Variants in PLEKHH2 observed in about 807,000 individuals in gnomAD.
PLEKHH2 encodes pleckstrin homology, MyTH4 and FERM domain containing H2.
PLEKHH2 carries 129 observed loss-of-function variants against 187.9 expected under a neutral mutation model. The ratio of observed to expected loss-of-function variants is 0.69; its 90% confidence interval spans 0.59 to 0.79. PLEKHH2 has a LOEUF of 0.79. PLEKHH2 is among the 30% of genes least tolerant of loss of function. The pLI, the probability that PLEKHH2 is intolerant of heterozygous loss-of-function variation, is 0.00. For missense variants in PLEKHH2, 2,076 were observed against 1,751.2 expected (o/e 1.19, Z -3.31); for synonymous variants, 686 against 605.6 (o/e 1.13, Z -1.95).
chr2:43,743,246 G>A (rs540842164), intron 22 of PLEKHH2, among the ~76,000 whole-genome samples: 4 of 152,190 alleles, frequency 2.6e-5, no homozygotes, highest in African/African-American at 9.6e-5. Flanking sequence ...TACTGGGTGT[G>A]TACAATTTTA....
At position 43,700,209 on chromosome 2, in the gene PLEKHH2, A is replaced by C; in HGVS notation, c.1251A>C (p.Pro417=). The C allele has an allele frequency of 6.2e-7, 1 of 1,614,184 alleles. No homozygotes were observed. Among genetic ancestry groups the C allele is most frequent in the Non-Finnish European group, 8.5e-7 (1 of 1,180,034 alleles). The change falls in exon 8 of 30, where the codon CCA becomes CCC. Residue 417 remains proline (P), a synonymous_variant. Coordinates refer to ENST00000282406, the MANE Select transcript of PLEKHH2 (RefSeq NM_172069.4). ...CTATTTTGACCCCAGCTTTAATGCC[A>C]AAGCATCCTAACTCACTCTCTGGAA... ...PSPILTPALM[P]KHPNSLSGKG...
intron 25 of PLEKHH2, 135 bp downstream of exon 25, chr2:43,753,895 G>GT: frequency 4.2e-6 from 3 of 707,076 alleles, no homozygotes; most frequent in Non-Finnish European, 6.4e-6. Flanking sequence ...AAAAATTACA[G>GT]GCACTATAAT....
chr2:43,731,560 A>G lies in PLEKHH2; in HGVS notation c.2901A>G (p.Leu967=). The G allele has an allele frequency of 6.2e-7, 1 of 1,603,990 alleles. No individual in the cohort carries two copies. The highest frequency in any genetic ancestry group is 1.1e-5 in the South Asian group (1 of 90,572). Residue 967 remains leucine (L), a synonymous_variant, in exon 19 of 30, where the codon CTA becomes CTG. Transcript: ENST00000282406. The part of the protein sequence containing the change: ...KEGIISPLTT[L]PSEALQTEAI... ...GAATCATTTCCCCTCTGACAACTCT[A>G]CCTTCCGAAGCCCTGCAGACAGAAG...
intron 15 of PLEKHH2, among the ~76,000 whole-genome samples, chr2:43,718,130 TA>T (rs1446169910): frequency 6.6e-6 from 1 of 152,204 alleles, no homozygotes; most frequent in African/African-American, 2.4e-5. Context: ...GGAAGCATGG[TA>T]AAAAATTATT....
At chr2:43,741,298 A>T (rs1671549739) in intron 21 of PLEKHH2, 2 of 266,886 alleles carry the variant, frequency 7.5e-6, no homozygotes, top group Non-Finnish European at 1.4e-5. Context: ...GTGCATTTGC[A>T]TTTCAAGTAT....
rs1178456983 is a variant in PLEKHH2, at chr2:43,644,679, A to G, written c.6A>G (p.Ala2=). 4 of 1,583,540 alleles carry G rather than the reference A, an allele frequency of 2.5e-6. No individual in the cohort carries two copies. Among genetic ancestry groups the G allele is most frequent in the East Asian group, 4.5e-5 (2 of 44,256 alleles). The change falls in exon 2 of 30, where the codon GCA becomes GCG. Residue 2 remains alanine, a synonymous_variant. Coordinates refer to ENST00000282406, the MANE Select transcript of PLEKHH2 (RefSeq NM_172069.4). ...TTATTTAATTTTTTTAGAATATGGCAGAGCTTTCTGAGCCAGAGGGACCAG... is the reference window on the plus strand; with the variant it reads ...TTATTTAATTTTTTTAGAATATGGCGGAGCTTTCTGAGCCAGAGGGACCAG... M[A]ELSEPEGPVD...
chr2:43,673,648 G>A (rs556795161), intron 2 of PLEKHH2, among the ~76,000 whole-genome samples: 1 of 152,250 alleles, frequency 6.6e-6, no homozygotes, highest in East Asian at 1.9e-4. Context: ...ACTATTCATT[G>A]AACACCTGTT....
chr2:43,763,755 A>G (rs1191224449), intron 28 of PLEKHH2, among the ~76,000 whole-genome samples: 2 of 152,126 alleles, frequency 1.3e-5, no homozygotes, highest in Non-Finnish European at 2.9e-5. Flanking sequence ...TGCATATGTG[A>G]CAAAGGGTTA....
chr2:43,660,671 C>T (rs1489966768), intron 2 of PLEKHH2, among the ~76,000 whole-genome samples: 1 of 126,336 alleles, frequency 7.9e-6, no homozygotes, highest in Non-Finnish European at 1.6e-5. Context: ...TTCCTGTGAC[C>T]ATGTGATCTC....
At chr2:43,723,290 A>G (rs1670571762) in intron 16 of PLEKHH2, among the ~76,000 whole-genome samples, 1 of 152,188 alleles carries the variant, frequency 6.6e-6, no homozygotes. Flanking sequence ...ACATTAAGAC[A>G]GATTACAGGA....
At chr2:43,640,958 T>TA (rs1173209547) in intron 1 of PLEKHH2, among the ~76,000 whole-genome samples, 1 of 148,854 alleles carries the variant, frequency 6.7e-6, no homozygotes, top group African/African-American at 2.5e-5. Flanking sequence ...TAATTTTTTT[T>TA]TTTTTTTTTT....
chr2:43,710,641 A>C (rs762830627), intron 14 of PLEKHH2, 66 bp downstream of exon 14: 135 of 1,510,484 alleles, frequency 8.9e-5, no homozygotes, highest in Non-Finnish European at 8.7e-5. Context: ...CAATTATCCA[A>C]CCTAATGGAA....
At chr2:43,719,730 G>T (rs546762809) in intron 15 of PLEKHH2, among the ~76,000 whole-genome samples, 1 of 152,198 alleles carries the variant, frequency 6.6e-6, no homozygotes, top group Non-Finnish European at 1.5e-5. Context: ...GAGCCACCGC[G>T]CACAGCCTTC....
At chr2:43,673,599 T>C (rs1224842503) in intron 2 of PLEKHH2, among the ~76,000 whole-genome samples, 1 of 152,166 alleles carries the variant, frequency 6.6e-6, no homozygotes, top group African/African-American at 2.4e-5. Flanking sequence ...ATAACACATA[T>C]ATATGGTAGA....
chr2:43,747,338 C>G (rs1369467546), intron 24 of PLEKHH2, among the ~76,000 whole-genome samples: 1 of 152,012 alleles, frequency 6.6e-6, no homozygotes, highest in Non-Finnish European at 1.5e-5. Flanking sequence ...ACTGTGAGGG[C>G]ACACAACAGT....
intron 24 of PLEKHH2, among the ~76,000 whole-genome samples, chr2:43,749,166 AAGAC>A (rs1426617947): frequency 6.6e-6 from 1 of 152,238 alleles, no homozygotes; most frequent in Non-Finnish European, 1.5e-5. Context: ...TTGGATATGA[AAGAC>A]AGGTAAAAAT....
chr2:43,746,167 G>C (rs1315382980), intron 24 of PLEKHH2, among the ~76,000 whole-genome samples: 2 of 152,110 alleles, frequency 1.3e-5, no homozygotes, highest in African/African-American at 4.8e-5. Flanking sequence ...ATGTCATAAA[G>C]AATTATATTT....
intron 19 of PLEKHH2, among the ~76,000 whole-genome samples, chr2:43,732,884 C>T (rs1010733369): frequency 1.3e-5 from 2 of 152,240 alleles, no homozygotes; most frequent in Admixed American, 6.5e-5. Flanking sequence ...GAGCATCAAA[C>T]AGCCATGTAG....
At chr2:43,713,235 A>C (rs1230473375) in intron 15 of PLEKHH2, among the ~76,000 whole-genome samples, 1 of 152,072 alleles carries the variant, frequency 6.6e-6, no homozygotes, top group Non-Finnish European at 1.5e-5. Flanking sequence ...TTTTTTTCCT[A>C]TTTTAAAAAA....
Sources: gnomAD v4.1 joint callset for allele counts (sites outside exome capture counted in the v4.1 genomes callset) on GRCh38, gnomAD v4.1.1 for gene constraint, MANE v1.5 for transcripts, NCBI Gene and HGNC (gene_info 2026-07-23, HGNC 2026-07-21) for gene names.